The following WDR5 variants were observed in gnomAD, a reference collection of about 807,000 sequenced individuals.
WDR5 encodes WD repeat domain 5.
For synonymous variants in WDR5, 144 were observed against 161.6 expected (o/e 0.89, Z 0.83); for missense variants, 187 against 416.9 (o/e 0.45, Z 4.80).
rs534098698 is a variant in WDR5, at chr9:134,142,374, C to T, written c.396C>T (p.Val132=). 6.2e-7 allele frequency: 1 copy of T among 1,614,076 alleles called. No homozygotes were observed. Among genetic ancestry groups the T allele is most frequent in the Non-Finnish European group, 8.5e-7 (1 of 1,180,042 alleles). ...CCCTGAAGGGACACAGTAATTATGTCTTTTGCTGCAACTTCAATCCCCAGT... is the reference window on the plus strand; with the variant it reads ...CCCTGAAGGGACACAGTAATTATGTTTTTTGCTGCAACTTCAATCCCCAGT... ...LKTLKGHSNY[V]FCCNFNPQSN... Residue 132 remains valine, a synonymous_variant, in exon 6 of 14, where the codon GTC becomes GTT. Transcript: ENST00000358625.
chr9:134,154,422 G>T, intron 9 of WDR5, 44 bp from the exon 10 acceptor site: 3 of 1,605,488 alleles, frequency 1.9e-6, no homozygotes, highest in Non-Finnish European at 2.6e-6. Context: ...TCCCTGCCTG[G>T]CTGTCAGCGC....
chr9:134,145,256 G>A (rs1179685978), intron 7 of WDR5, among the ~76,000 whole-genome samples: 1 of 151,966 alleles, frequency 6.6e-6, no homozygotes, highest in Non-Finnish European at 1.5e-5. Context: ...CCACTACCAC[G>A]ACTGGCTAAT....
At chr9:134,154,438 G>T in intron 9 of WDR5, 28 bp from the exon 10 acceptor site, 2 of 1,613,298 alleles carry the variant, frequency 1.2e-6, no homozygotes, top group Non-Finnish European at 8.5e-7. Context: ...AGCGCCCGCC[G>T]TGTGTCACCT....
At chr9:134,137,398 C>G (rs536741379) in intron 1 of WDR5, among the ~76,000 whole-genome samples, 17 of 152,110 alleles carry the variant, frequency 1.1e-4, no homozygotes, top group Non-Finnish European at 1.6e-4. Flanking sequence ...AATGCCAAGC[C>G]TTGGCCCGGC....
chr9:134,142,282 T>TAA (rs754196472), intron 5 of WDR5, 51 bp from the exon 6 acceptor site: 2 of 1,571,036 alleles, frequency 1.3e-6, no homozygotes, highest in Non-Finnish European at 1.7e-6. Context: ...ACCTGACTCT[T>TAA]ACGTTTGGGG....
At chr9:134,138,251 C>T (rs771504877) in intron 1 of WDR5, among the ~76,000 whole-genome samples, 18 of 152,200 alleles carry the variant, frequency 1.2e-4, no homozygotes, top group African/African-American at 1.9e-4. Flanking sequence ...AGGAGCTGCT[C>T]GGCCTTCTGA....
chr9:134,143,514 C>T (rs371021574), intron 7 of WDR5, among the ~76,000 whole-genome samples: 6 of 148,506 alleles, frequency 4.0e-5, no homozygotes, highest in Non-Finnish European at 7.4e-5. Flanking sequence ...GCCTGGGTGA[C>T]GAGAGCGAAA....
chr9:134,138,589 T>G (rs1831706398), intron 1 of WDR5, among the ~76,000 whole-genome samples: 1 of 152,164 alleles, frequency 6.6e-6, no homozygotes, highest in Non-Finnish European at 1.5e-5. Flanking sequence ...CCCCCTCTCT[T>G]GTACTGTACT....
Position 134,141,552 on chromosome 9 carries a change from A to T in WDR5, c.233A>T (p.Lys78Ile). The stretch of plus-strand genomic sequence containing the variant: ...AAAATTTGGGGCGCGTATGATGGGA[A>T]ATTTGAGAAAACCATATCTGGTCAC... ...LIKIWGAYDG[K>I]FEKTISGHKL... Residue 78 changes from lysine to isoleucine, a missense_variant, in exon 4 of 14, where the codon AAA becomes ATA. Lys to Ile is a moderately radical substitution (Grantham distance 102, BLOSUM62 -3). Coordinates refer to ENST00000358625, the MANE Select transcript of WDR5 (RefSeq NM_017588.3). 6.2e-7 allele frequency: 1 copy of T among 1,614,092 alleles called. No individual in the cohort carries two copies. The highest frequency in any genetic ancestry group is 8.5e-7 in the Non-Finnish European group (1 of 1,180,014).
At chr9:134,155,834 T>C in intron 12 of WDR5, 67 bp downstream of exon 12, 1 of 1,475,782 alleles carries the variant, frequency 6.8e-7, no homozygotes, top group Non-Finnish European at 9.4e-7. Flanking sequence ...TCACACCTGT[T>C]ACAGGTTGCT....
At position 134,158,041 on chromosome 9, in the gene WDR5, T is replaced by C. The variant is rs375263190; in HGVS notation, c.*48T>C. 8.2e-5 allele frequency: 130 copies of C among 1,580,954 alleles called. No homozygotes were observed. The highest frequency in any genetic ancestry group is 1.0e-5 in the Non-Finnish European group (12 of 1,150,952). ...GAGACTGTCGGGAAGTTGACCCGGA[T>C]TGGCAAGAAACAGGGTGTCTTGGAG... On this transcript the variant is annotated 3_prime_UTR_variant, in exon 14 of 14. Transcript: ENST00000358625.
intron 9 of WDR5, among the ~76,000 whole-genome samples, chr9:134,154,224 C>G (rs775368635): frequency 1.3e-5 from 2 of 152,172 alleles, no homozygotes; most frequent in Admixed American, 6.5e-5. Flanking sequence ...GGCCTGTATT[C>G]GTAAAGTCCT....
chr9:134,138,440 GGAAAA>G (rs1831696759), intron 1 of WDR5, among the ~76,000 whole-genome samples: 1 of 152,160 alleles, frequency 6.6e-6, no homozygotes, highest in African/African-American at 2.4e-5. Flanking sequence ...AGCCTGCCAA[GGAAAA>G]TGCAGCAGTT....
intron 1 of WDR5, 32 bp downstream of exon 1, chr9:134,136,232 C>A (rs942019772): frequency 3.4e-5 from 5 of 148,418 alleles, no homozygotes; most frequent in African/African-American, 1.2e-4. Context: ...CCGGGGAACA[C>A]AAGGCGGGCA....
chr9:134,136,293 C>G (rs893520336), intron 1 of WDR5, 93 bp downstream of exon 1: 8 of 149,544 alleles, frequency 5.3e-5, no homozygotes, highest in Non-Finnish European at 1.0e-4. Flanking sequence ...CGCACGTGTT[C>G]CCCGCCGGGC....
At chr9:134,147,905 C>T (rs911163586) in intron 7 of WDR5, among the ~76,000 whole-genome samples, 14 of 151,958 alleles carry the variant, frequency 9.2e-5, no homozygotes, top group East Asian at 5.8e-4. Flanking sequence ...CCTGTAATCC[C>T]GCAGTTTGGG....
chr9:134,155,308 C>T (rs1832697275), intron 10 of WDR5, 32 bp from the exon 11 acceptor site: 3 of 1,570,982 alleles, frequency 1.9e-6, no homozygotes, highest in Non-Finnish European at 2.6e-6. Context: ...TGCCTCCAGA[C>T]ATGCCGCCTC....
rs1166495649 is a variant in WDR5 at position 134,151,999 on chromosome 9, G to A, written c.601G>A (p.Ala201Thr). ...GCTTCGAAGTCGCATCTGGGACACC[G>A]CCTCAGGCCAGTGCCTGAAGACGCT... ...YDGLCRIWDT[A>T]SGQCLKTLID... The change falls in exon 9 of 14, where the codon GCC (alanine) becomes ACC (threonine). Residue 201 changes from alanine (A) to threonine (T), a missense_variant. Transcript: ENST00000358625. 3.7e-6 allele frequency: 6 copies of A among 1,613,946 alleles called. No homozygotes were observed. Among genetic ancestry groups the A allele is most frequent in the Admixed American group, 1.7e-5 (1 of 59,972 alleles).
chr9:134,136,546 A>G (rs1161497879), intron 1 of WDR5, among the ~76,000 whole-genome samples: 4 of 152,038 alleles, frequency 2.6e-5, no homozygotes, highest in African/African-American at 7.2e-5. Flanking sequence ...CTGCCCCTTC[A>G]GGGAAGGACC....
Sources: gnomAD v4.1 joint callset for allele counts (sites outside exome capture counted in the v4.1 genomes callset) on GRCh38, gnomAD v4.1.1 for gene constraint, MANE v1.5 for transcripts, NCBI Gene and HGNC (gene_info 2026-07-23, HGNC 2026-07-21) for gene names.